ADGRB1: variants seen among roughly 807,000 people sequenced by gnomAD.
The protein encoded by ADGRB1 is adhesion G protein-coupled receptor B1.
Under a neutral mutation model 175.7 loss-of-function variants are expected in ADGRB1, and 36 were observed. The observed-to-expected ratio is 0.20, with a 90% CI of 0.16 to 0.27. The LOEUF is 0.27. ADGRB1 is among the 10% of genes least tolerant of loss of function. The pLI, the probability that ADGRB1 is intolerant of heterozygous loss-of-function variation, is 1.00. For synonymous variants in ADGRB1, 1,054 were observed against 979.4 expected (o/e 1.08, Z -1.42); for missense variants, 1,731 against 2,255.3 (o/e 0.77, Z 4.71).
intron 17 of ADGRB1, among the ~76,000 whole-genome samples, chr8:142,507,345 C>T (rs1842895858): frequency 6.6e-6 from 1 of 152,138 alleles, no homozygotes; most frequent in African/African-American, 2.4e-5. Context: ...GCACTGCAGG[C>T]CTGCAGGGTC....
At position 142,510,916 on chromosome 8, in the gene ADGRB1, T is replaced by TACCC; in HGVS notation, c.2676-16_2676-15insACCC. Reference sequence around the variant, plus strand: ...ACGCTCCGCCTGTCTCCCTCCCGTGTCCCGCCCGCCCCCAGACCCTCCTCC... The same window carrying TACCC: ...ACGCTCCGCCTGTCTCCCTCCCGTGTACCCCCCGCCCGCCCCCAGACCCTCCTCC... On this transcript the variant is annotated splice_polypyrimidine_tract_variant and intron_variant, in intron 17 of 30. Transcript: ENST00000517894. The surrounding 1 kb of genome is among the most constrained non-coding windows in gnomAD (Gnocchi z 6.3). The TACCC allele has an allele frequency of 1.0e-6, 1 of 969,740 alleles. No individual in the cohort carries two copies. The highest frequency in any genetic ancestry group is 1.3e-6 in the Non-Finnish European group (1 of 789,300). 60.1% of individuals were successfully genotyped at this position (969,740 alleles called of 1,614,324 possible). A position where few individuals can be genotyped will look rare whatever the true frequency, so the allele number is the denominator to read the frequency against.
At chr8:142,466,756 G>C (rs892363546) in intron 2 of ADGRB1, among the ~76,000 whole-genome samples, 3 of 152,180 alleles carry the variant, frequency 2.0e-5, no homozygotes, top group African/African-American at 7.2e-5. Flanking sequence ...AGTAGAGATG[G>C]GGTGGTGGAC....
At chr8:142,500,988 C>T (rs1161890445) in intron 17 of ADGRB1, among the ~76,000 whole-genome samples, 4 of 152,086 alleles carry the variant, frequency 2.6e-5, no homozygotes, top group Non-Finnish European at 5.9e-5. Context: ...CCTGGTTCTG[C>T]TTGCACTGCG....
chr8:142,457,661 G>A (rs1839754352), intron 1 of ADGRB1, among the ~76,000 whole-genome samples: 1 of 151,460 alleles, frequency 6.6e-6, no homozygotes, highest in South Asian at 2.1e-4. Flanking sequence ...CTACCCTGCA[G>A]GTTGACCAGT....
At chr8:142,482,537 C>A (rs976123842) in intron 11 of ADGRB1, among the ~76,000 whole-genome samples, 2 of 150,624 alleles carry the variant, frequency 1.3e-5, no homozygotes, top group Non-Finnish European at 3.0e-5. Flanking sequence ...TGGTCACACA[C>A]TGAGCCCTGA....
rs1008768663 is a variant in ADGRB1, at chr8:142,474,949, G to A, written c.785-525G>A. Among the ~76,000 whole-genome samples the A allele has an allele frequency of 1.4e-4, 21 of 152,178 alleles. No homozygotes were observed. Among genetic ancestry groups the A allele is most frequent in the Non-Finnish European group, 5.9e-5 (4 of 68,008 alleles). ...CCTTGATCACCACTGGTATACCTGC[G>A]TGGGGTGAAGAAGCGGCTCCAGGTC... On this transcript the variant is annotated intron_variant, in intron 2 of 30. Transcript: ENST00000517894. This position sits in a 1 kb window ranked among gnomAD's most constrained non-coding sequence, Gnocchi z 5.8.
rs1020226408 is a variant in ADGRB1, at chr8:142,502,056, G to T, written c.2676-8876G>T. On this transcript the variant is annotated intron_variant, in intron 17 of 30. Coordinates refer to ENST00000517894, the MANE Select transcript of ADGRB1 (RefSeq NM_001702.3). ...GACAGTGGTGGTGGTGATGGTGGTC[G>T]GGGTGGGGGTGATGATGGGGTTGTG... Among the ~76,000 whole-genome samples the T allele has an allele frequency of 2.3e-4, 16 of 68,390 alleles. 1 individual carries two copies. The South Asian group carries it at 8.7e-3, about 37-fold the overall frequency. The allele number at this position is 68,390 out of a possible 152,430, so 44.9% of individuals were successfully genotyped here. A position where few individuals can be genotyped will look rare whatever the true frequency, so the allele number is the denominator to read the frequency against.
chr8:142,524,265 G>A lies in ADGRB1; in HGVS notation c.3273G>A (p.Leu1091=). Residue 1091 remains leucine (L), a synonymous_variant, in exon 23 of 31, where the codon CTG becomes CTA. Coordinates refer to ENST00000517894, the MANE Select transcript of ADGRB1 (RefSeq NM_001702.3). ...NYCWLSLEGG[L]LYAFVGPAAA... is the part of the protein sequence containing the mutation. Reference sequence around the variant, plus strand: ...GCTGGCTCTCCCTGGAGGGGGGACTGCTCTATGCCTTCGTGGGACCTGCCG... The same window carrying A: ...GCTGGCTCTCCCTGGAGGGGGGACTACTCTATGCCTTCGTGGGACCTGCCG... 2 of 1,600,414 alleles carry A rather than the reference G, an allele frequency of 1.2e-6. No homozygotes were observed. The highest frequency in any genetic ancestry group is 2.2e-5 in the South Asian group (2 of 90,348).
chr8:142,473,896 G>T (rs898333303), intron 2 of ADGRB1, among the ~76,000 whole-genome samples: 1 of 152,234 alleles, frequency 6.6e-6, no homozygotes, highest in African/African-American at 2.4e-5. Flanking sequence ...GGGAAGTGGG[G>T]CAGGGTGGGG....
chr8:142,484,084 G>A, intron 12 of ADGRB1, 39 bp downstream of exon 12: 1 of 1,581,602 alleles, frequency 6.3e-7, no homozygotes. Flanking sequence ...GCCTCAGGAG[G>A]GGTGCAGGCA....
intron 18 of ADGRB1, among the ~76,000 whole-genome samples, chr8:142,513,125 C>T (rs1843195362): frequency 6.6e-6 from 1 of 152,192 alleles, no homozygotes. Context: ...GTGCCCTGTC[C>T]CCCATCCCAG....
At chr8:142,451,664 C>T (rs1839357874) in intron 1 of ADGRB1, among the ~76,000 whole-genome samples, 1 of 152,164 alleles carries the variant, frequency 6.6e-6, no homozygotes, top group Non-Finnish European at 1.5e-5. Context: ...CACAAACACA[C>T]GCCCCCTCGG....
intron 13 of ADGRB1, among the ~76,000 whole-genome samples, chr8:142,486,037 C>T (rs1012553236): frequency 6.6e-6 from 1 of 152,218 alleles, no homozygotes; most frequent in Non-Finnish European, 1.5e-5. Flanking sequence ...CACCAAGTAC[C>T]ATTAGCAGAT....
chr8:142,488,242 T>C (rs1841790224), intron 13 of ADGRB1, 122 bp from the exon 14 acceptor site: 3 of 1,386,588 alleles, frequency 2.2e-6, no homozygotes, highest in South Asian at 1.3e-5. Flanking sequence ...CTCTGAGCCA[T>C]GGGCACCCCG....
chr8:142,524,181 A>G (rs960487867), intron 22 of ADGRB1, 57 bp from the exon 23 acceptor site: 66 of 1,545,632 alleles, frequency 4.3e-5, no homozygotes, highest in Non-Finnish European at 5.5e-5. Flanking sequence ...GGCCGGCAGC[A>G]CCTCTCTGCA....
intron 2 of ADGRB1, among the ~76,000 whole-genome samples, chr8:142,467,399 G>T (rs1488301782): frequency 6.6e-6 from 1 of 152,326 alleles, no homozygotes; most frequent in Non-Finnish European, 1.5e-5. Context: ...GGAAGAGGAG[G>T]GCCTTGGGGT....
intron 13 of ADGRB1, among the ~76,000 whole-genome samples, chr8:142,487,508 C>T (rs1285611600): frequency 3.3e-5 from 5 of 152,214 alleles, no homozygotes; most frequent in Admixed American, 6.5e-5. Context: ...CTGCATTTGG[C>T]GCTACTGATG....
At position 142,543,720 on chromosome 8, in the gene ADGRB1, AGGGAG is replaced by A; in HGVS notation, c.4557+16_4557+20del. ...GGCCGGACAGCAAGGTCTGGAGGGC[AGGGAG>A]GGGCGGGGTGGGGAGAGCCCTTAGG... On this transcript the variant is annotated intron_variant, in intron 30 of 30. Coordinates refer to ENST00000517894, the MANE Select transcript of ADGRB1 (RefSeq NM_001702.3). This position sits in a 1 kb window ranked among gnomAD's most constrained non-coding sequence, Gnocchi z 4.4. 1 of 418,116 alleles carries A rather than the reference AGGGAG, an allele frequency of 2.4e-6. No individual in the cohort carries two copies. The highest frequency in any genetic ancestry group is 4.7e-6 in the Non-Finnish European group (1 of 211,372). 25.9% of individuals were successfully genotyped at this position (418,116 alleles called of 1,614,324 possible). A position where few individuals can be genotyped will look rare whatever the true frequency, so the allele number is the denominator to read the frequency against.
chr8:142,452,233 C>T (rs541155043), intron 1 of ADGRB1, among the ~76,000 whole-genome samples: 2 of 152,324 alleles, frequency 1.3e-5, no homozygotes, highest in South Asian at 4.1e-4. Flanking sequence ...GGAGACCCGG[C>T]GGCTGAGGGC....
Sources: gnomAD v4.1 joint callset for allele counts (sites outside exome capture counted in the v4.1 genomes callset) on GRCh38, gnomAD v4.1.1 for gene constraint, Gnocchi (gnomAD v3.1) non-coding constraint, MANE v1.5 for transcripts, NCBI Gene and HGNC (gene_info 2026-07-23, HGNC 2026-07-21) for gene names.